The following RAP1GAP variants were observed in gnomAD, a reference collection of about 807,000 sequenced individuals.
The protein encoded by RAP1GAP is rap1 GTPase-activating protein 1.
A neutral mutation model predicts 87.2 loss-of-function variants in RAP1GAP; 35 were observed. The ratio of observed to expected loss-of-function variants is 0.40; its 90% CI spans 0.31 to 0.53. RAP1GAP has a LOEUF of 0.53. RAP1GAP is among the 20% of genes least tolerant of loss of function. RAP1GAP has a pLI of 0.48. For synonymous variants in RAP1GAP, 375 were observed against 363.9 expected, an observed-to-expected ratio of 1.03 and a Z score of -0.35; for missense variants, 734 against 898.9, an observed-to-expected ratio of 0.82 and a Z score of 2.35.
chr1:21,599,431 C>G, intron 21 of RAP1GAP, 63 bp downstream of exon 21: 1 of 1,557,052 alleles, frequency 6.4e-7, no homozygotes, highest in Non-Finnish European at 8.6e-7. Flanking sequence ...CAGGGCATCT[C>G]CAGGGACCAA....
intron 23 of RAP1GAP, 63 bp downstream of exon 23, chr1:21,597,898 C>A: frequency 6.6e-7 from 1 of 1,515,200 alleles, no homozygotes; most frequent in Non-Finnish European, 9.0e-7. Context: ...CCCAGCCTCC[C>A]CGCCAGCTCA....
chr1:21,603,042 G>T lies in RAP1GAP; in HGVS notation c.1429-129C>A, dbSNP rs2070346992. On this transcript the variant is annotated intron_variant, in intron 18 of 24. Coordinates refer to ENST00000374765, the MANE Select transcript of RAP1GAP (RefSeq NM_002885.4). The surrounding 1 kb of genome is among the most constrained non-coding windows in gnomAD (Gnocchi z 6.0). ...TGATGAGCAAGAAAGAACGAGAGAA[G>T]ATATCCATTCCCAGAGACAGCCTCC... The T allele has an allele frequency of 4.6e-6, 3 of 653,700 alleles. No homozygotes were observed. The African/African-American group carries it at 5.5e-5, about 12-fold the overall frequency. The allele number at this position is 653,700 out of a possible 1,614,324, so 40.5% of individuals were successfully genotyped here.
At position 21,608,744 on chromosome 1, in the gene RAP1GAP, C is replaced by T. The variant is rs953037270; in HGVS notation, c.1158+106G>A. ...ATCCATCCAGCCCCAGGTGTCCCCG[C>T]TAAGGCCAAGGTCTGAACATGGCTT... On this transcript the variant is annotated intron_variant, in intron 16 of 24. Transcript: ENST00000374765. 1.4e-5 allele frequency: 17 copies of T among 1,189,962 alleles called. No homozygotes were observed. The South Asian group carries it at 2.1e-4, about 15-fold the overall frequency. 73.7% of individuals were successfully genotyped at this position (1,189,962 alleles called of 1,614,324 possible). A position where few individuals can be genotyped will look rare whatever the true frequency, so the allele number is the denominator to read the frequency against.
intron 1 of RAP1GAP, among the ~76,000 whole-genome samples, chr1:21,660,339 C>CTATATATATATATATATATATA (rs1553503813): frequency 1.3e-4 from 7 of 52,868 alleles, no homozygotes; most frequent in South Asian, 1.3e-3. Context: ...TCCAACTCAG[C>CTATATATATATATATATATATA]TATATATATT....
At chr1:21,600,280 C>G (rs1236421874) in intron 20 of RAP1GAP, among the ~76,000 whole-genome samples, 2 of 152,184 alleles carry the variant, frequency 1.3e-5, no homozygotes, top group Non-Finnish European at 2.9e-5. Context: ...TTCCTCCTCC[C>G]AAGGTGAGAA....
At chr1:21,600,703 G>A (rs942123379) in intron 20 of RAP1GAP, among the ~76,000 whole-genome samples, 7 of 151,874 alleles carry the variant, frequency 4.6e-5, no homozygotes, top group South Asian at 2.1e-4. Context: ...TGGCTAACAC[G>A]GTGAAACCCC....
In RAP1GAP at chr1:21,605,922, A is replaced by C. The variant is rs2074179059; in HGVS notation, c.1428+144T>G. On this transcript the variant is annotated intron_variant, in intron 18 of 24. Coordinates refer to ENST00000374765, the MANE Select transcript of RAP1GAP (RefSeq NM_002885.4). ...ACTTCACCCCCCTCCCATGGAAAGT[A>C]GTGGCTAGACCAAATCCAGAGCCTA... The C allele has an allele frequency of 7.5e-6, 8 of 1,071,538 alleles. No individual in the cohort carries two copies. In the South Asian group the frequency reaches 9.3e-5, roughly 12 times the overall value. 66.4% of individuals were successfully genotyped at this position (1,071,538 alleles called of 1,614,324 possible). A position where few individuals can be genotyped will look rare whatever the true frequency, so the allele number is the denominator to read the frequency against.
chr1:21,603,409 C>T lies in RAP1GAP; in HGVS notation c.1429-496G>A, dbSNP rs186653421. 1 of 549,834 alleles carries T rather than the reference C, an allele frequency of 1.8e-6. No individual in the cohort carries two copies. The highest frequency in any genetic ancestry group is 1.9e-5 in the African/African-American group (1 of 52,502). The allele number at this position is 549,834 out of a possible 1,614,324, so 34.1% of individuals were successfully genotyped here. On this transcript the variant is annotated intron_variant, in intron 18 of 24. Coordinates refer to ENST00000374765, the MANE Select transcript of RAP1GAP (RefSeq NM_002885.4). This position sits in a 1 kb window ranked among gnomAD's most constrained non-coding sequence, Gnocchi z 6.0. ...ACACACTGTGCTGGGATGCCCCAGG[C>T]CCCAGAAGCCCGCCCCCAGCTTCTC...
Position 21,606,134 on chromosome 1 carries a change from T to C in RAP1GAP, c.1360A>G (p.Thr454Ala). Residue 454 changes from threonine (T) to alanine (A), a missense_variant, in exon 18 of 25, where the codon ACC (threonine) becomes GCC (alanine). Physicochemically the swap from Thr to Ala is moderately conservative, Grantham distance 58. Around this residue, in one of 2 missense-constraint regions of RAP1GAP, gnomAD observed 485 missense variants for 646.2 expected, o/e 0.75. Coordinates refer to ENST00000374765, the MANE Select transcript of RAP1GAP (RefSeq NM_002885.4). ...AMGLSNKKPN[T>A]VSTSHSGSFA... ...CTCCCGCTGTGGCTGGTGGACACGGTGTTGGGCTTCTTGTTGCTCAGCCCC... is the reference window on the plus strand; with the variant it reads ...CTCCCGCTGTGGCTGGTGGACACGGCGTTGGGCTTCTTGTTGCTCAGCCCC... 1 of 1,583,826 alleles carries C rather than the reference T, an allele frequency of 6.3e-7. No individual in the cohort carries two copies. The highest frequency in any genetic ancestry group is 8.6e-7 in the Non-Finnish European group (1 of 1,165,646).
chr1:21,613,663 G>A lies in RAP1GAP; in HGVS notation c.439C>T (p.Leu147Phe). ...TYHDVIPISCLTEFPNVVQMA... is the reference protein window; with the variant it reads ...TYHDVIPISCFTEFPNVVQMA... ...TGGACAACATTAGGGAACTCGGTGA[G>A]GCAGGAGATGGGGATGACATCATGG... Residue 147 changes from leucine to phenylalanine, a missense_variant, in exon 9 of 25, where the codon CTC (leucine) becomes TTC (phenylalanine). Physicochemically the swap from Leu to Phe is conservative, Grantham distance 22 (BLOSUM62 0). Around this residue, in one of 2 missense-constraint regions of RAP1GAP, gnomAD observed 485 missense variants for 646.2 expected, o/e 0.75. Coordinates refer to ENST00000374765, the MANE Select transcript of RAP1GAP (RefSeq NM_002885.4). This position sits in a 1 kb window ranked among gnomAD's most constrained non-coding sequence, Gnocchi z 4.7. 6.2e-7 allele frequency: 1 copy of A among 1,613,786 alleles called. No homozygotes were observed. The highest frequency in any genetic ancestry group is 8.5e-7 in the Non-Finnish European group (1 of 1,179,844).
Position 21,613,773 on chromosome 1 carries a change from C to A in RAP1GAP, c.396-67G>T, listed in dbSNP as rs537572349. The A allele has an allele frequency of 2.7e-4, 398 of 1,476,188 alleles. No individual in the cohort carries two copies. The highest frequency in any genetic ancestry group is 3.4e-4 in the Middle Eastern group (2 of 5,834). 91.4% of individuals were successfully genotyped at this position (1,476,188 alleles called of 1,614,324 possible). A position where few individuals can be genotyped will look rare whatever the true frequency, so the allele number is the denominator to read the frequency against. On this transcript the variant is annotated intron_variant, in intron 8 of 24. Transcript: ENST00000374765. This position sits in a 1 kb window ranked among gnomAD's most constrained non-coding sequence, Gnocchi z 4.7. ...ACAGGAAAATGGGAACCCCACCCCCCACAAAGTAAGGCCAGAAGGGGGTGG... is the reference window on the plus strand; with the variant it reads ...ACAGGAAAATGGGAACCCCACCCCCAACAAAGTAAGGCCAGAAGGGGGTGG...
At chr1:21,650,150 G>C (rs1446045947) in intron 1 of RAP1GAP, among the ~76,000 whole-genome samples, 1 of 152,170 alleles carries the variant, frequency 6.6e-6, no homozygotes, top group African/African-American at 2.4e-5. Context: ...GCTGGGGCTA[G>C]CTTAGAGCCT....
chr1:21,660,345 A>ATATATATATT lies in RAP1GAP; in HGVS notation c.-149+8908_-149+8909insAATATATATA. Among the ~76,000 whole-genome samples the ATATATATATT allele has an allele frequency of 3.1e-3, 291 of 92,638 alleles. 48 individuals carry two copies. Among genetic ancestry groups the ATATATATATT allele is most frequent in the African/African-American group, 0.01 (262 of 26,076 alleles). 60.8% of individuals were successfully genotyped at this position (92,638 alleles called of 152,430 possible). On this transcript the variant is annotated intron_variant, in intron 1 of 24. Coordinates refer to ENST00000374765, the MANE Select transcript of RAP1GAP (RefSeq NM_002885.4). ...AGAGTGGGTTCCAACTCAGCTATAT[A>ATATATATATT]TATTTATTGAGACAGTCTCGCTCTG...
intron 3 of RAP1GAP, among the ~76,000 whole-genome samples, chr1:21,623,829 G>C (rs829407): frequency 0.047 from 7,169 of 152,252 alleles, 556 homozygotes; most frequent in African/African-American, 0.16. Context: ...CACTGCCCCC[G>C]GGGGAGGCGA....
At position 21,624,288 on chromosome 1, in the gene RAP1GAP, A is replaced by G. The variant is rs116081226; in HGVS notation, c.-19+2016T>C. Among the ~76,000 whole-genome samples the G allele has an allele frequency of 3.5e-3, 535 of 152,258 alleles. 3 individuals are homozygous for G. Among genetic ancestry groups the G allele is most frequent in the African/African-American group, 0.012 (509 of 41,530 alleles). ...GTGCCCTGTCCAGCCCTGGGAATGT[A>G]ATGACGCTGATAAGAGCTCAGCTTC... On this transcript the variant is annotated intron_variant, in intron 3 of 24. Coordinates refer to ENST00000374765, the MANE Select transcript of RAP1GAP (RefSeq NM_002885.4).
rs1309955245 is a variant in RAP1GAP, at chr1:21,656,442, A to AC, written c.-148-6647_-148-6646insG. 2.9e-4 allele frequency among the ~76,000 whole-genome samples: 41 copies of AC among 141,424 alleles called. 3 individuals are homozygous for AC. Among genetic ancestry groups the AC allele is most frequent in the African/African-American group, 1.0e-3 (39 of 38,684 alleles). The allele number at this position is 141,424 out of a possible 152,430, so 92.8% of individuals were successfully genotyped here. On this transcript the variant is annotated intron_variant, in intron 1 of 24. Coordinates refer to ENST00000374765, the MANE Select transcript of RAP1GAP (RefSeq NM_002885.4). ...TAAAAAAAAAAAAAAAAAAAAAAAA[A>AC]AAAAAAAAAAAAGACCTAACAACGG... is the stretch of plus-strand genomic sequence containing the variant.
At chr1:21,667,214 C>A (rs1204705671) in intron 1 of RAP1GAP, among the ~76,000 whole-genome samples, 1 of 152,204 alleles carries the variant, frequency 6.6e-6, no homozygotes, top group Non-Finnish European at 1.5e-5. Context: ...CTCTTGGCCC[C>A]AGAATTTGAC....
intron 12 of RAP1GAP, 27 bp downstream of exon 12, chr1:21,611,689 C>A (rs2078424613): frequency 6.2e-7 from 1 of 1,612,046 alleles, no homozygotes; most frequent in South Asian, 1.1e-5. Context: ...TCAGATTACA[C>A]TCTGCTCAGC....
Position 21,597,916 on chromosome 1 carries a change from C to T in RAP1GAP, c.1983+45G>A, listed in dbSNP as rs372293689. 1.3e-4 allele frequency: 201 copies of T among 1,535,358 alleles called. No individual in the cohort carries two copies. In the African/African-American group the frequency reaches 2.3e-3, roughly 18 times the overall value. ...AGCCTCCCCGCCAGCTCATCCCCTC[C>T]CGGGTGGGGCTCCCTCAGCACCAGC... On this transcript the variant is annotated intron_variant, in intron 23 of 24. Coordinates refer to ENST00000374765, the MANE Select transcript of RAP1GAP (RefSeq NM_002885.4).
Sources: gnomAD v4.1 joint callset for allele counts (sites outside exome capture counted in the v4.1 genomes callset) on GRCh38, gnomAD v4.1.1 for gene constraint, gnomAD v4.1.1 regional missense constraint, Gnocchi (gnomAD v3.1) non-coding constraint, MANE v1.5 for transcripts, NCBI Gene and HGNC (gene_info 2026-07-23, HGNC 2026-07-21) for gene names.